HERC4: variants seen among roughly 807,000 people sequenced by gnomAD.
HERC4 encodes probable E3 ubiquitin-protein ligase HERC4.
In HERC4, 28 loss-of-function variants were observed where a neutral mutation model predicts 124.3. The ratio of observed to expected loss-of-function variants is 0.23; its 90% CI spans 0.17 to 0.31. HERC4 has a LOEUF of 0.31. HERC4 is among the 10% of genes least tolerant of loss of function. The pLI is 1.00. For missense variants in HERC4, 713 were observed against 1,229.3 expected (o/e 0.58, Z 6.28); for synonymous variants, 407 against 421.5 (o/e 0.97, Z 0.42).
chr10:68,011,807 A>G (rs2037971741), intron 9 of HERC4, among the ~76,000 whole-genome samples: 1 of 152,226 alleles, frequency 6.6e-6, no homozygotes, highest in Admixed American at 6.5e-5. Context: ...AGACCCTAAA[A>G]GAGAGTCAGC....
intron 15 of HERC4, among the ~76,000 whole-genome samples, chr10:67,975,444 G>A (rs571058653): frequency 1.3e-5 from 2 of 152,000 alleles, no homozygotes; most frequent in Non-Finnish European, 2.9e-5. Context: ...ACACCTCCCA[G>A]GTTCAAACAA....
At chr10:67,964,820 T>G (rs2034757441) in intron 16 of HERC4, 1 of 152,120 alleles carries the variant, frequency 6.6e-6, no homozygotes, top group Non-Finnish European at 1.5e-5. Context: ...TCGCCCATGC[T>G]GGAGTGCAAT....
chr10:67,984,830 G>C (rs189781654), intron 15 of HERC4, among the ~76,000 whole-genome samples: 3 of 152,098 alleles, frequency 2.0e-5, no homozygotes, highest in Admixed American at 2.0e-4. Context: ...GTGATCCACC[G>C]GCCTCAGCCT....
intron 24 of HERC4, among the ~76,000 whole-genome samples, chr10:67,923,622 G>A (rs1258320511): frequency 4.0e-5 from 6 of 151,580 alleles, no homozygotes; most frequent in African/African-American, 1.5e-4. Context: ...TGCAGTGTGC[G>A]GTCACAGTCA....
chr10:68,015,560 T>C (rs150480776), intron 8 of HERC4, among the ~76,000 whole-genome samples: 3,031 of 152,176 alleles, frequency 0.02, 40 homozygotes, highest in Non-Finnish European at 0.03. Flanking sequence ...CCAGGTGGAG[T>C]TCTCTTTACA....
intron 8 of HERC4, among the ~76,000 whole-genome samples, chr10:68,016,121 G>A (rs2133156826): frequency 6.6e-6 from 1 of 152,046 alleles, no homozygotes; most frequent in East Asian, 1.9e-4. Context: ...ATGTATATAT[G>A]TGTGTGTGAT....
At chr10:68,020,494 C>T (rs1441447647) in intron 8 of HERC4, among the ~76,000 whole-genome samples, 13 of 151,974 alleles carry the variant, frequency 8.6e-5, no homozygotes, top group African/African-American at 1.2e-4. Flanking sequence ...GGGCCGGGCG[C>T]GGTGGCTCAC....
chr10:68,020,165 T>C (rs1229546859), intron 8 of HERC4, among the ~76,000 whole-genome samples: 2 of 152,056 alleles, frequency 1.3e-5, no homozygotes, highest in East Asian at 1.9e-4. Flanking sequence ...AAACCTACAA[T>C]GATCAAAAAC....
At chr10:68,013,957 T>G (rs772878393) in intron 9 of HERC4, 69 bp downstream of exon 9, 6 of 1,301,260 alleles carry the variant, frequency 4.6e-6, no homozygotes, top group Non-Finnish European at 6.3e-6. Flanking sequence ...GAAATCTTCA[T>G]GATTTAAGAG....
intron 22 of HERC4, among the ~76,000 whole-genome samples, chr10:67,935,875 CT>C (rs2032315668): frequency 6.6e-6 from 1 of 152,226 alleles, no homozygotes; most frequent in Non-Finnish European, 1.5e-5. Flanking sequence ...CGTGACTCCT[CT>C]TTTCCATCTC....
Position 67,992,202 on chromosome 10 carries a change from G to A in HERC4, c.1268C>T (p.Ala423Val). ...YPSGRFPVEI[A>V]NEIDGTFSSS... is the part of the protein sequence containing the mutation. Reference sequence around the variant, plus strand: ...TGGCCCAAAATGCTTTTCTTACTTGGCTATCTCCACAGGAAACCTTCCAGA... The same window carrying A: ...TGGCCCAAAATGCTTTTCTTACTTGACTATCTCCACAGGAAACCTTCCAGA... The change falls in exon 11 of 25, where the codon GCC (alanine) becomes GTC (valine). Residue 423 changes from alanine to valine, a missense_variant. Transcript: ENST00000373700. The A allele has an allele frequency of 6.2e-7, 1 of 1,612,964 alleles. No individual in the cohort carries two copies.
At chr10:67,945,048 A>G (rs568272134) in intron 19 of HERC4, among the ~76,000 whole-genome samples, 6 of 152,348 alleles carry the variant, frequency 3.9e-5, no homozygotes, top group African/African-American at 7.2e-5. Flanking sequence ...CAAAGAGATA[A>G]TAACAGTGAA....
At chr10:67,929,075 TTTTTA>T (rs2031491331) in intron 23 of HERC4, among the ~76,000 whole-genome samples, 1 of 152,222 alleles carries the variant, frequency 6.6e-6, no homozygotes, top group Non-Finnish European at 1.5e-5. Flanking sequence ...TTTTTTGGTA[TTTTTA>T]TTTTATATTT....
chr10:68,071,379 A>G (rs1000027469), intron 3 of HERC4, among the ~76,000 whole-genome samples: 3 of 152,238 alleles, frequency 2.0e-5, no homozygotes, highest in African/African-American at 7.2e-5. Context: ...AGTAGACCTA[A>G]GTAACTATAC....
chr10:68,027,640 G>A (rs919297965), intron 7 of HERC4, among the ~76,000 whole-genome samples: 12 of 152,110 alleles, frequency 7.9e-5, no homozygotes, highest in Non-Finnish European at 1.5e-4. Flanking sequence ...TAACTAAGTC[G>A]GGTGGGGCAC....
chr10:68,044,938 T>C (rs1487500674), intron 3 of HERC4, among the ~76,000 whole-genome samples: 1 of 152,164 alleles, frequency 6.6e-6, no homozygotes, highest in Non-Finnish European at 1.5e-5. Flanking sequence ...AAGAAATCAT[T>C]TAAATAACCT....
In HERC4 at chr10:67,948,060, G is replaced by C. The variant is rs147920476; in HGVS notation, c.2337+6535C>G. 1.2e-3 allele frequency among the ~76,000 whole-genome samples: 189 copies of C among 151,808 alleles called. 1 individual carries two copies. In the Middle Eastern group the frequency reaches 0.031, roughly 25 times the overall value. ...AAGGGAAATTAGAAAATACTTAAGA[G>C]ACTAATGAAAACACAGCATACTACA... On this transcript the variant is annotated intron_variant, in intron 19 of 24. Coordinates refer to ENST00000373700, the MANE Select transcript of HERC4 (RefSeq NM_015601.4).
intron 19 of HERC4, among the ~76,000 whole-genome samples, chr10:67,948,608 A>G (rs937120314): frequency 1.3e-5 from 2 of 152,188 alleles, no homozygotes; most frequent in African/African-American, 2.4e-5. Context: ...TATGGAAAAC[A>G]GTGTGGAGAT....
intron 15 of HERC4, among the ~76,000 whole-genome samples, chr10:67,974,207 A>G (rs564070890): frequency 2.2e-4 from 34 of 152,242 alleles, no homozygotes; most frequent in Non-Finnish European, 3.7e-4. Flanking sequence ...CGTTTGCCTC[A>G]GAGACATAAC....
Sources: gnomAD v4.1 joint callset for allele counts (sites outside exome capture counted in the v4.1 genomes callset) on GRCh38, gnomAD v4.1.1 for gene constraint, MANE v1.5 for transcripts, NCBI Gene and HGNC (gene_info 2026-07-23, HGNC 2026-07-21) for gene names.